IMPA1: variants seen among roughly 807,000 people sequenced by gnomAD.
IMPA1 encodes the protein D-galactose 1-phosphate phosphatase.
IMPA1 carries 21 observed loss-of-function variants against 34.9 expected under a neutral mutation model. The observed-to-expected ratio is 0.60, with a 90% confidence interval of 0.43 to 0.87. The LOEUF is 0.87. Ranked by LOEUF, IMPA1 falls within the 40% of genes least tolerant of loss-of-function variation. IMPA1 has a pLI of 0.00. For missense variants in IMPA1, 299 were observed against 336.4 expected, an observed-to-expected ratio of 0.89 and a Z score of 0.87; for synonymous variants, 95 against 104.4, an observed-to-expected ratio of 0.91 and a Z score of 0.55.
At chr8:81,685,292 A>G (rs1241135882) in intron 1 of IMPA1, among the ~76,000 whole-genome samples, 38 of 135,200 alleles carry the variant, frequency 2.8e-4, no homozygotes, top group African/African-American at 9.4e-4. Context: ...TATAGTATAT[A>G]TACTATACAT....
At chr8:81,684,854 C>G (rs1334221742) in intron 1 of IMPA1, among the ~76,000 whole-genome samples, 3 of 133,052 alleles carry the variant, frequency 2.3e-5, no homozygotes, top group Non-Finnish European at 4.7e-5. Context: ...AGTATATATA[C>G]TATACATAAG....
At chr8:81,684,416 T>C (rs988651839) in intron 1 of IMPA1, among the ~76,000 whole-genome samples, 4 of 144,174 alleles carry the variant, frequency 2.8e-5, no homozygotes, top group African/African-American at 1.0e-4. Flanking sequence ...AGATACTATA[T>C]ATAGTATACT....
At position 81,684,840 on chromosome 8, in the gene IMPA1, G is replaced by C. The variant is rs190445635; in HGVS notation, c.-25+1412C>G. Among the ~76,000 whole-genome samples, 177 of 137,996 alleles carry C rather than the reference G, an allele frequency of 1.3e-3. 5 individuals are homozygous for C. The highest frequency in any genetic ancestry group is 4.7e-3 in the African/African-American group (175 of 37,096). 90.5% of individuals were successfully genotyped at this position (137,996 alleles called of 152,430 possible). A position where few individuals can be genotyped will look rare whatever the true frequency, so the allele number is the denominator to read the frequency against. ...TATATATACTATACATAGTATCTAT[G>C]TGTAGTATATATACTATACATAAGT... On this transcript the variant is annotated intron_variant, in intron 1 of 8. Coordinates refer to ENST00000256108, the MANE Select transcript of IMPA1 (RefSeq NM_005536.4).
At chr8:81,676,511 G>A (rs539716341) in intron 4 of IMPA1, among the ~76,000 whole-genome samples, 2 of 152,192 alleles carry the variant, frequency 1.3e-5, no homozygotes, top group East Asian at 1.9e-4. Context: ...ACAGGCACAC[G>A]TTCACACAGG....
rs77904594 is a variant in IMPA1 at position 81,660,413 on chromosome 8, C to G, written c.718+103G>C. 4.0e-3 allele frequency: 3,703 copies of G among 925,768 alleles called. 96 individuals carry two copies. In the African/African-American group the frequency reaches 0.053, roughly 13 times the overall value. 57.3% of individuals were successfully genotyped at this position (925,768 alleles called of 1,614,324 possible). A position where few individuals can be genotyped will look rare whatever the true frequency, so the allele number is the denominator to read the frequency against. On this transcript the variant is annotated intron_variant, in intron 8 of 8. Coordinates refer to ENST00000256108, the MANE Select transcript of IMPA1 (RefSeq NM_005536.4). ...ACAATTATATAGCTTGTTTCTGCTT[C>G]AAAAACTGCAGTATAACATATATCA...
intron 7 of IMPA1, among the ~76,000 whole-genome samples, chr8:81,670,396 C>T (rs1444981852): frequency 2.6e-5 from 4 of 151,392 alleles, no homozygotes; most frequent in African/African-American, 4.8e-5. Context: ...AAAGAAAGCA[C>T]GAAGATGAAA....
intron 1 of IMPA1, 54 bp from the exon 2 acceptor site, chr8:81,681,638 T>A (rs1807303534): frequency 1.0e-6 from 1 of 977,490 alleles, no homozygotes; most frequent in Non-Finnish European, 1.6e-6. Flanking sequence ...AATAGTTAGT[T>A]CACAAAAACG....
intron 4 of IMPA1, chr8:81,678,755 T>C (rs139448628): frequency 3.4e-4 from 67 of 198,678 alleles, no homozygotes; most frequent in African/African-American, 1.3e-3. Context: ...TAGATCCATA[T>C]AGATCTATGG....
intron 4 of IMPA1, among the ~76,000 whole-genome samples, chr8:81,678,292 T>G (rs1449542300): frequency 1.3e-5 from 2 of 152,120 alleles, no homozygotes; most frequent in African/African-American, 4.8e-5. Flanking sequence ...CTGAACTCAT[T>G]CTATATCGAC....
At chr8:81,684,653 T>TATATACTACACATAAGTAC (rs1807437596) in intron 1 of IMPA1, among the ~76,000 whole-genome samples, 1 of 141,678 alleles carries the variant, frequency 7.1e-6, no homozygotes, top group African/African-American at 2.6e-5. Flanking sequence ...CACATAAGTA[T>TATATACTACACATAAGTAC]ATATACTACA....
chr8:81,674,056 G>T, intron 5 of IMPA1, 107 bp from the exon 6 acceptor site: 1 of 671,276 alleles, frequency 1.5e-6, no homozygotes. Flanking sequence ...ACAATGGACT[G>T]AAATGGCTAA....
Position 81,657,100 on chromosome 8 carries a change from G to A in IMPA1, c.*2251C>T, listed in dbSNP as rs774705061. On this transcript the variant is annotated 3_prime_UTR_variant, in exon 9 of 9. Transcript: ENST00000256108. ...AATATTATTAGATAATTCACTTGTC[G>A]ATCATCCTTTTTCAGCATCTAAAGA... is the stretch of plus-strand genomic sequence containing the variant. 6.6e-5 allele frequency among the ~76,000 whole-genome samples: 10 copies of A among 152,006 alleles called. No homozygotes were observed. Among genetic ancestry groups the A allele is most frequent in the Non-Finnish European group, 1.5e-4 (10 of 68,000 alleles).
chr8:81,674,831 C>T (rs1169366814), intron 5 of IMPA1: 4 of 455,622 alleles, frequency 8.8e-6, no homozygotes, highest in African/African-American at 8.0e-5. Context: ...CGGTTCCAAA[C>T]CTAGTCTTGC....
chr8:81,670,423 G>C (rs373741391), intron 7 of IMPA1, among the ~76,000 whole-genome samples: 51 of 151,554 alleles, frequency 3.4e-4, no homozygotes, highest in African/African-American at 1.2e-3. Flanking sequence ...GTGCAGAAAA[G>C]AAAAAACCAG....
chr8:81,670,853 C>T (rs1449479187), intron 7 of IMPA1, 86 bp downstream of exon 7: 1 of 632,288 alleles, frequency 1.6e-6, no homozygotes, highest in Non-Finnish European at 2.7e-6. Context: ...ATATAATTTA[C>T]TCTAAAATGG....
chr8:81,673,240 T>C (rs1361143701), intron 6 of IMPA1, among the ~76,000 whole-genome samples: 1 of 152,232 alleles, frequency 6.6e-6, no homozygotes. Flanking sequence ...TCATATCTGA[T>C]TGCTTCATCT....
At chr8:81,661,825 C>CA (rs1806683541) in intron 7 of IMPA1, among the ~76,000 whole-genome samples, 1 of 152,168 alleles carries the variant, frequency 6.6e-6, no homozygotes, top group Non-Finnish European at 1.5e-5. Flanking sequence ...ATTTAGAAGA[C>CA]AAACGTCATC....
intron 1 of IMPA1, among the ~76,000 whole-genome samples, chr8:81,684,990 T>C (rs1332646216): frequency 7.4e-6 from 1 of 134,258 alleles, no homozygotes; most frequent in Non-Finnish European, 1.5e-5. Flanking sequence ...TACATAAGTA[T>C]ATTTAGATAC....
At position 81,660,675 on chromosome 8, in the gene IMPA1, A is replaced by G; in HGVS notation, c.567-8T>C. Reference sequence around the variant, plus strand: ...GTTCCAACACTCCGGATCCTAACAAATAGAATTTAGAAATAAAATTGGAAA... The same window carrying G: ...GTTCCAACACTCCGGATCCTAACAAGTAGAATTTAGAAATAAAATTGGAAA... On this transcript the variant is annotated splice_region_variant and splice_polypyrimidine_tract_variant and intron_variant, in intron 7 of 8. Transcript: ENST00000256108. 6.3e-7 allele frequency: 1 copy of G among 1,588,720 alleles called. No homozygotes were observed. Among genetic ancestry groups the G allele is most frequent in the Non-Finnish European group, 8.6e-7 (1 of 1,165,112 alleles).
Sources: allele counts gnomAD v4.1 joint callset (sites outside exome capture counted in the v4.1 genomes callset), GRCh38; gene constraint gnomAD v4.1.1; transcripts MANE v1.5; gene names NCBI Gene and HGNC (gene_info 2026-07-23, HGNC 2026-07-21).